Variants in SLC27A2 observed in about 807,000 individuals in gnomAD.
The protein encoded by SLC27A2 is long-chain fatty acid transport protein 2.
In SLC27A2, 54 loss-of-function variants were observed where a neutral mutation model predicts 60.0. That is an observed-to-expected ratio of 0.90 (90% CI 0.72 to 1.13). The LOEUF (loss-of-function observed/expected upper bound fraction) is 1.13. Among genes scored for constraint, SLC27A2 ranks in the 50% most tolerant of loss-of-function variants. The pLI, the probability that SLC27A2 is intolerant of heterozygous loss-of-function variation, is 0.00. For missense variants in SLC27A2, 739 were observed against 777.6 expected, an observed-to-expected ratio of 0.95 and a Z score of 0.59; for synonymous variants, 297 against 297.6, an observed-to-expected ratio of 1.00 and a Z score of 0.02.
intron 4 of SLC27A2, among the ~76,000 whole-genome samples, chr15:50,215,494 C>A (rs1226822851): frequency 6.6e-6 from 1 of 151,984 alleles, no homozygotes; most frequent in Non-Finnish European, 1.5e-5. Flanking sequence ...AAAAAAAGAG[C>A]CCGCATAGCC....
At chr15:50,235,854 C>G (rs528104002) in intron 9 of SLC27A2, 66 bp from the exon 10 acceptor site, 1 of 1,318,780 alleles carries the variant, frequency 7.6e-7, no homozygotes, top group African/African-American at 1.4e-5. Context: ...CCACCCCTAC[C>G]CCTTGCTCTG....
intron 2 of SLC27A2, among the ~76,000 whole-genome samples, chr15:50,201,948 ATC>A (rs993866497): frequency 2.0e-5 from 3 of 152,240 alleles, no homozygotes; most frequent in Non-Finnish European, 2.9e-5. Context: ...TACGTAAGAA[ATC>A]TCTCTGACTC....
chr15:50,234,527 C>T (rs1023564442), intron 9 of SLC27A2, among the ~76,000 whole-genome samples: 3 of 144,488 alleles, frequency 2.1e-5, no homozygotes, highest in Non-Finnish European at 4.5e-5. Context: ...GAGGAGGTTG[C>T]AGTGAGCTGG....
At chr15:50,205,718 T>C (rs138155700) in intron 4 of SLC27A2, among the ~76,000 whole-genome samples, 1 of 152,248 alleles carries the variant, frequency 6.6e-6, no homozygotes, top group African/African-American at 2.4e-5. Flanking sequence ...ACAAAAGTCA[T>C]TACTCTTCTC....
chr15:50,201,568 T>G (rs1336491979), intron 2 of SLC27A2, among the ~76,000 whole-genome samples: 7 of 152,022 alleles, frequency 4.6e-5, no homozygotes, highest in African/African-American at 1.7e-4. Flanking sequence ...TTTCTTTTTT[T>G]TTTTTGAGAT....
intron 5 of SLC27A2, 66 bp downstream of exon 5, chr15:50,223,225 C>T: frequency 8.4e-7 from 1 of 1,189,500 alleles, no homozygotes; most frequent in South Asian, 1.5e-5. Context: ...TCTTAAAAGC[C>T]AAGTCATGAT....
rs140573090 is a variant in SLC27A2 at position 50,227,155 on chromosome 15, C to A, written c.1434C>A (p.His478Gln). Residue 478 changes from histidine (H) to glutamine (Q), a missense_variant, in exon 7 of 10, where the codon CAC (histidine) becomes CAA (glutamine). Physicochemically the swap from His to Gln is conservative, Grantham distance 24. Coordinates refer to ENST00000267842, the MANE Select transcript of SLC27A2 (RefSeq NM_003645.4). ...ACCATGAAAATTTCATCTATTTCCACGACAGAGTTGGAGATACATTCCGGT... is the reference window on the plus strand; with the variant it reads ...ACCATGAAAATTTCATCTATTTCCAAGACAGAGTTGGAGATACATTCCGGT... ...MVDHENFIYF[H>Q]DRVGDTFRWK... is the part of the protein sequence containing the mutation. 6.2e-7 allele frequency: 1 copy of A among 1,613,936 alleles called. No homozygotes were observed. Among genetic ancestry groups the A allele is most frequent in the Non-Finnish European group, 8.5e-7 (1 of 1,179,858 alleles).
At chr15:50,191,362 G>T (rs2044972604) in intron 1 of SLC27A2, among the ~76,000 whole-genome samples, 1 of 152,178 alleles carries the variant, frequency 6.6e-6, no homozygotes, top group Non-Finnish European at 1.5e-5. Context: ...ACTTCTCCTT[G>T]GTTGAAGAGA....
intron 1 of SLC27A2, among the ~76,000 whole-genome samples, chr15:50,184,012 T>TTTTTTTTTTTTTCA (rs55721289): frequency 7.0e-6 from 1 of 143,360 alleles, no homozygotes; most frequent in Non-Finnish European, 1.5e-5. Flanking sequence ...TTTTTTTTTT[T>TTTTTTTTTTTTTCA]GACAGTCTCG....
intron 4 of SLC27A2, among the ~76,000 whole-genome samples, chr15:50,214,806 G>C (rs1567433999): frequency 6.6e-6 from 1 of 152,020 alleles, no homozygotes; most frequent in Non-Finnish European, 1.5e-5. Flanking sequence ...GCATACAAGG[G>C]ACATACCTTA....
chr15:50,227,404 A>G (rs2045286348), intron 7 of SLC27A2, among the ~76,000 whole-genome samples: 1 of 152,242 alleles, frequency 6.6e-6, no homozygotes. Context: ...TAAGGCAGGA[A>G]ACCTGTATCT....
At chr15:50,214,420 C>T (rs1595688387) in intron 4 of SLC27A2, among the ~76,000 whole-genome samples, 1 of 152,146 alleles carries the variant, frequency 6.6e-6, no homozygotes, top group African/African-American at 2.4e-5. Context: ...ATTCTTTTGA[C>T]ACTATTCCAC....
At chr15:50,210,404 C>T (rs1355492836) in intron 4 of SLC27A2, among the ~76,000 whole-genome samples, 1 of 152,128 alleles carries the variant, frequency 6.6e-6, no homozygotes, top group East Asian at 1.9e-4. Context: ...TAGAACTTCC[C>T]GACTTTACCT....
At chr15:50,202,000 T>G (rs1169893501) in intron 2 of SLC27A2, among the ~76,000 whole-genome samples, 3 of 152,230 alleles carry the variant, frequency 2.0e-5, no homozygotes, top group Admixed American at 6.5e-5. Flanking sequence ...ATAATTCTGT[T>G]TATGTCATAT....
chr15:50,204,496 G>A (rs1034834471), intron 3 of SLC27A2, among the ~76,000 whole-genome samples: 7 of 151,878 alleles, frequency 4.6e-5, no homozygotes, highest in Admixed American at 1.3e-4. Context: ...CACTTTGGGA[G>A]GCCAAGGGGT....
At chr15:50,235,812 G>A in intron 9 of SLC27A2, 108 bp from the exon 10 acceptor site, 1 of 736,948 alleles carries the variant, frequency 1.4e-6, no homozygotes, top group Non-Finnish European at 2.2e-6. Context: ...ACATGAGCCA[G>A]GGATGCTAAT....
At chr15:50,188,501 G>A (rs1414306056) in intron 1 of SLC27A2, among the ~76,000 whole-genome samples, 2 of 151,960 alleles carry the variant, frequency 1.3e-5, no homozygotes, top group Middle Eastern at 3.2e-3. Flanking sequence ...CAGAATCAAG[G>A]CACAGAAATA....
At chr15:50,234,648 A>C (rs1276452157) in intron 9 of SLC27A2, among the ~76,000 whole-genome samples, 1 of 151,690 alleles carries the variant, frequency 6.6e-6, no homozygotes, top group Admixed American at 6.6e-5. Context: ...AGTCTCATCT[A>C]CGTGGGAGGC....
In SLC27A2 at chr15:50,210,870, C is replaced by A. The variant is rs547184558; in HGVS notation, c.972+5507C>A. 1.3e-4 allele frequency among the ~76,000 whole-genome samples: 20 copies of A among 152,278 alleles called. No individual in the cohort carries two copies. In the South Asian group the frequency reaches 4.1e-3, roughly 32 times the overall value. On this transcript the variant is annotated intron_variant, in intron 4 of 9. Transcript: ENST00000267842. ...AGGCCTGTGACTGCCAACTTTCCCC[C>A]ACTTCCCTGACAACCTGCATGACTC...
Sources: allele counts gnomAD v4.1 joint callset (sites outside exome capture counted in the v4.1 genomes callset), GRCh38; gene constraint gnomAD v4.1.1; transcripts MANE v1.5; gene names NCBI Gene and HGNC (gene_info 2026-07-23, HGNC 2026-07-21).